Variants in ETFA observed in about 807,000 individuals in gnomAD.
ETFA encodes the protein electron transfer flavoprotein subunit alpha.
ETFA carries 22 observed loss-of-function variants against 46.2 expected under a neutral mutation model. The observed-to-expected ratio is 0.48, with a 90% CI of 0.34 to 0.68. ETFA has a LOEUF of 0.68. ETFA is among the 30% of genes least tolerant of loss of function. The probability of loss-of-function intolerance (pLI) is 0.01; values close to 1 mark genes in which losing one functional copy is unlikely to be tolerated. For missense variants in ETFA, 345 were observed against 401.1 expected (o/e 0.86, Z 1.19); for synonymous variants, 131 against 139.9 (o/e 0.94, Z 0.45).
chr15:76,237,454 G>A (rs903343692), intron 9 of ETFA, among the ~76,000 whole-genome samples: 6 of 152,064 alleles, frequency 3.9e-5, no homozygotes, highest in African/African-American at 1.4e-4. Flanking sequence ...AAAATGAGGA[G>A]GTAAAAGAAA....
At chr15:76,240,045 T>TTTG (rs1440832180) in intron 9 of ETFA, among the ~76,000 whole-genome samples, 1 of 152,140 alleles carries the variant, frequency 6.6e-6, no homozygotes, top group African/African-American at 2.4e-5. Context: ...CGAAATTATT[T>TTTG]TTGTTGTTGT....
intron 9 of ETFA, among the ~76,000 whole-genome samples, chr15:76,255,695 T>C (rs1415704525): frequency 1.3e-5 from 2 of 152,248 alleles, no homozygotes; most frequent in South Asian, 2.1e-4. Flanking sequence ...AGAATATTTT[T>C]ACATGAATCC....
At chr15:76,252,876 T>TACAC (rs34804508) in intron 9 of ETFA, among the ~76,000 whole-genome samples, 5 of 147,492 alleles carry the variant, frequency 3.4e-5, no homozygotes, top group Non-Finnish European at 7.4e-5. Context: ...TGTATGTGTA[T>TACAC]ACACACACAC....
chr15:76,287,425 GC>G (rs1407220179), intron 5 of ETFA, among the ~76,000 whole-genome samples: 1 of 152,084 alleles, frequency 6.6e-6, no homozygotes, highest in Non-Finnish European at 1.5e-5. Context: ...ACCTCAGCCT[GC>G]CAAAGTGCTG....
At chr15:76,289,635 A>G (rs1045361130) in intron 4 of ETFA, among the ~76,000 whole-genome samples, 1 of 152,214 alleles carries the variant, frequency 6.6e-6, no homozygotes, top group African/African-American at 2.4e-5. Flanking sequence ...TCTGGGAAGA[A>G]GAAGCAATAA....
intron 10 of ETFA, chr15:76,226,177 CTTT>C (rs771849204): frequency 1.6e-5 from 6 of 387,064 alleles, no homozygotes; most frequent in Non-Finnish European, 2.8e-5. Flanking sequence ...AAAAGTTCTT[CTTT>C]TGACTTACAA....
chr15:76,232,484 G>A (rs1386762560), intron 9 of ETFA, among the ~76,000 whole-genome samples: 1 of 152,130 alleles, frequency 6.6e-6, no homozygotes, highest in African/African-American at 2.4e-5. Flanking sequence ...AATAATATGT[G>A]GAAGGCACTG....
intron 10 of ETFA, among the ~76,000 whole-genome samples, chr15:76,226,705 C>G (rs955571937): frequency 1.3e-5 from 2 of 152,068 alleles, no homozygotes; most frequent in South Asian, 4.1e-4. Flanking sequence ...GGTGAAACCC[C>G]GTCTCTACTA....
chr15:76,225,325 G>A (rs927432536), intron 11 of ETFA, among the ~76,000 whole-genome samples: 9 of 152,150 alleles, frequency 5.9e-5, no homozygotes, highest in Non-Finnish European at 1.3e-4. Flanking sequence ...CTCTCACTCT[G>A]TCACCCAGGC....
In ETFA at chr15:76,257,367, C is replaced by A. The variant is rs146292878; in HGVS notation, c.816+17045G>T. Among the ~76,000 whole-genome samples, 4 of 152,278 alleles carry A rather than the reference C, an allele frequency of 2.6e-5. No individual in the cohort carries two copies. The East Asian group carries it at 7.7e-4, about 29-fold the overall frequency. ...TATTTTGAGAAGTGTCTGTTCGGAA[C>A]AGAACTTCTCAAAAGAAGACATTTA... On this transcript the variant is annotated intron_variant, in intron 9 of 11. Coordinates refer to ENST00000557943, the MANE Select transcript of ETFA (RefSeq NM_000126.4).
intron 9 of ETFA, among the ~76,000 whole-genome samples, chr15:76,268,159 C>T (rs893857223): frequency 1.4e-5 from 2 of 144,476 alleles, no homozygotes; most frequent in Admixed American, 1.4e-4. Context: ...GTTACAAATG[C>T]TTCAGCAATG....
chr15:76,238,376 C>G (rs2039149047), intron 9 of ETFA, among the ~76,000 whole-genome samples: 1 of 152,100 alleles, frequency 6.6e-6, no homozygotes, highest in South Asian at 2.1e-4. Context: ...AGGGAAGGAA[C>G]ATGAAAACTT....
rs59517673 is a variant in ETFA at position 76,295,786 on chromosome 15, GTT to G, written c.40-51_40-50del. 13,001 of 1,078,354 alleles carry G rather than the reference GTT, an allele frequency of 0.012. No homozygotes were observed. Among genetic ancestry groups the G allele is most frequent in the East Asian group, 0.015 (519 of 34,728 alleles). 66.8% of individuals were successfully genotyped at this position (1,078,354 alleles called of 1,614,324 possible). On this transcript the variant is annotated intron_variant, in intron 1 of 11. Transcript: ENST00000557943. Reference sequence around the variant, plus strand: ...AAAAGGTAAAGAATGTTGTCACAGGGTTTTTTTTTTTTTTTTTACTAATTGTT... The same window carrying G: ...AAAAGGTAAAGAATGTTGTCACAGGGTTTTTTTTTTTTTTTACTAATTGTT...
At chr15:76,250,907 C>T (rs879413093) in intron 9 of ETFA, among the ~76,000 whole-genome samples, 3 of 151,866 alleles carry the variant, frequency 2.0e-5, no homozygotes, top group Non-Finnish European at 4.4e-5. Context: ...GGGTTTTCAA[C>T]AGTACTGTAA....
intron 10 of ETFA, among the ~76,000 whole-genome samples, chr15:76,227,055 T>C (rs755206427): frequency 1.3e-5 from 2 of 152,120 alleles, no homozygotes; most frequent in Non-Finnish European, 2.9e-5. Flanking sequence ...AAATTACTTA[T>C]ATCTCTTATA....
At chr15:76,230,218 C>CTTTTTTTTTTTTTTTTTTT (rs199621717) in intron 10 of ETFA, 1 of 48,480 alleles carries the variant, frequency 2.1e-5, no homozygotes. Flanking sequence ...ACTTATTGCA[C>CTTTTTTTTTTTTTTTTTTT]TTTTTTTTTT....
chr15:76,231,585 G>A (rs1487484725), intron 9 of ETFA, among the ~76,000 whole-genome samples, 187 bp from the exon 10 acceptor site: 1 of 152,010 alleles, frequency 6.6e-6, no homozygotes, highest in Non-Finnish European at 1.5e-5. Flanking sequence ...TTTTTCCTAT[G>A]AATTCCTATA....
At chr15:76,307,451 A>C (rs1336496734) in intron 1 of ETFA, among the ~76,000 whole-genome samples, 1 of 152,124 alleles carries the variant, frequency 6.6e-6, no homozygotes, top group East Asian at 1.9e-4. Flanking sequence ...AGTTTAACAA[A>C]GTGGTTTAAA....
intron 9 of ETFA, among the ~76,000 whole-genome samples, chr15:76,251,592 G>A (rs948164780): frequency 2.6e-5 from 4 of 152,120 alleles, no homozygotes; most frequent in East Asian, 3.9e-4. Flanking sequence ...TGCTCAGGGC[G>A]CTAGTCATTC....
Sources: allele counts gnomAD v4.1 joint callset (sites outside exome capture counted in the v4.1 genomes callset), GRCh38; gene constraint gnomAD v4.1.1; transcripts MANE v1.5; gene names NCBI Gene and HGNC (gene_info 2026-07-23, HGNC 2026-07-21).